Variants in ADAM2 observed in about 807,000 individuals in gnomAD.
ADAM2 encodes the protein ADAM metallopeptidase domain 2, also known as disintegrin and metalloproteinase domain-containing protein 2.
ADAM2 carries 101 observed loss-of-function variants against 99.3 expected under a neutral mutation model. That is an observed-to-expected ratio of 1.02 (90% CI 0.87 to 1.20). ADAM2 has a LOEUF of 1.20. Among genes scored for constraint, ADAM2 ranks in the 50% most tolerant of loss-of-function variants. The probability of loss-of-function intolerance (pLI) is 0.00; values close to 1 mark genes in which losing one functional copy is unlikely to be tolerated. For synonymous variants in ADAM2, 323 were observed against 287.6 expected (o/e 1.12, Z -1.25); for missense variants, 948 against 878.7 (o/e 1.08, Z -1.00).
At chr8:39,826,295 A>G (rs532188769) in intron 3 of ADAM2, among the ~76,000 whole-genome samples, 4 of 152,368 alleles carry the variant, frequency 2.6e-5, no homozygotes, top group Admixed American at 2.6e-4. Flanking sequence ...ACGCATTTAC[A>G]GTCAGTTGGT....
chr8:39,821,592 C>G lies in ADAM2; in HGVS notation c.338G>C (p.Gly113Ala). 6.3e-7 allele frequency: 1 copy of G among 1,592,438 alleles called. No individual in the cohort carries two copies. Among genetic ancestry groups the G allele is most frequent in the Non-Finnish European group, 8.6e-7 (1 of 1,161,706 alleles). ...TAAAACAGTAAATTACAACCTGAGT[C>G]CAGTACATGTGCTAACCATCACCAC... ...KSVVMVSTCT[G>A]LRGVLQFENV... The change falls in exon 5 of 21, where the codon GGA becomes GCA. Residue 113 changes from glycine to alanine, a missense_variant. Transcript: ENST00000265708.
Position 39,788,581 on chromosome 8 carries a change from C to A in ADAM2, c.642+88G>T. 4 of 854,454 alleles carry A rather than the reference C, an allele frequency of 4.7e-6. 1 individual carries two copies. In the South Asian group the frequency reaches 6.3e-5, roughly 14 times the overall value. The allele number at this position is 854,454 out of a possible 1,614,324, so 52.9% of individuals were successfully genotyped here. ...ACTTAATTTCCCTTATGCCACACAA[C>A]GTGTGGATTCATGTAGTGTCATAAT... On this transcript the variant is annotated intron_variant, in intron 8 of 20. Coordinates refer to ENST00000265708, the MANE Select transcript of ADAM2 (RefSeq NM_001464.5).
chr8:39,809,313 A>C, intron 7 of ADAM2, 97 bp downstream of exon 7: 1 of 646,082 alleles, frequency 1.5e-6, no homozygotes, highest in South Asian at 1.9e-5. Flanking sequence ...CTAAGGCAAA[A>C]TTATCAATTC....
At chr8:39,772,771 A>G (rs908197791) in intron 11 of ADAM2, among the ~76,000 whole-genome samples, 4 of 152,052 alleles carry the variant, frequency 2.6e-5, no homozygotes, top group African/African-American at 9.6e-5. Flanking sequence ...ACAACACAAA[A>G]TAAAAGAATG....
chr8:39,827,700 G>C (rs926852194), intron 3 of ADAM2, among the ~76,000 whole-genome samples: 7 of 152,134 alleles, frequency 4.6e-5, no homozygotes, highest in African/African-American at 1.7e-4. Flanking sequence ...TAGAAGCAGA[G>C]AGTAGAATGA....
At chr8:39,797,527 A>G (rs1286300223) in intron 7 of ADAM2, among the ~76,000 whole-genome samples, 1 of 151,940 alleles carries the variant, frequency 6.6e-6, no homozygotes, top group East Asian at 1.9e-4. Flanking sequence ...TCTTTGCTAT[A>G]TGGGGTCTTC....
At chr8:39,789,134 C>T (rs1010336511) in intron 7 of ADAM2, among the ~76,000 whole-genome samples, 1 of 151,216 alleles carries the variant, frequency 6.6e-6, no homozygotes, top group South Asian at 2.1e-4. Context: ...AAAGATATAC[C>T]ATACAAACAT....
rs1823640460 is a variant in ADAM2, at chr8:39,749,687, C to CAGT, written c.1852_1854dup (p.Thr618dup). ...CTTACACCTCTATCATTGCATTTGT[C>CAGT]AGTAGTACAATCATAACCCAAGTAT... On this transcript the variant is annotated inframe_insertion, in exon 17 of 21. Coordinates refer to ENST00000265708, the MANE Select transcript of ADAM2 (RefSeq NM_001464.5). 1 of 1,611,600 alleles carries CAGT rather than the reference C, an allele frequency of 6.2e-7. No individual in the cohort carries two copies. Among genetic ancestry groups the CAGT allele is most frequent in the African/African-American group, 1.3e-5 (1 of 74,734 alleles).
chr8:39,787,463 A>G (rs1803512900), intron 9 of ADAM2, among the ~76,000 whole-genome samples: 1 of 151,480 alleles, frequency 6.6e-6, no homozygotes, highest in Non-Finnish European at 1.5e-5. Flanking sequence ...GACATGAAAA[A>G]GCATGTCATA....
intron 7 of ADAM2, among the ~76,000 whole-genome samples, chr8:39,789,264 T>G (rs1803602026): frequency 6.6e-6 from 1 of 151,044 alleles, no homozygotes; most frequent in African/African-American, 2.4e-5. Flanking sequence ...AAGGGAGAAA[T>G]AGAAAATTTA....
rs1288178914 is a variant in ADAM2 at position 39,766,770 on chromosome 8, C to T, written c.1507+78G>A. The T allele has an allele frequency of 6.0e-6, 6 of 994,294 alleles. No individual in the cohort carries two copies. The Admixed American group carries it at 1.4e-4, about 23-fold the overall frequency. 61.6% of individuals were successfully genotyped at this position (994,294 alleles called of 1,614,324 possible). On this transcript the variant is annotated intron_variant, in intron 14 of 20. Transcript: ENST00000265708. The stretch of plus-strand genomic sequence containing the variant: ...ACTAAATGTGACATTTTAAAAATCA[C>T]AATCATGTATCAGCATCTATTTCTG...
chr8:39,751,238 A>T (rs1801929369), intron 16 of ADAM2, among the ~76,000 whole-genome samples: 1 of 152,210 alleles, frequency 6.6e-6, no homozygotes, highest in African/African-American at 2.4e-5. Flanking sequence ...GATACAGATT[A>T]GTGCTGCTGT....
intron 3 of ADAM2, 132 bp downstream of exon 3, chr8:39,833,812 T>C: frequency 3.1e-6 from 2 of 651,764 alleles, no homozygotes; most frequent in Admixed American, 2.8e-5. Flanking sequence ...GCTTAAATCA[T>C]ATGATAAGGG....
At chr8:39,825,079 T>C (rs1448466047) in intron 3 of ADAM2, among the ~76,000 whole-genome samples, 182 bp from the exon 4 acceptor site, 1 of 152,208 alleles carries the variant, frequency 6.6e-6, no homozygotes, top group Non-Finnish European at 1.5e-5. Context: ...ACTCACTCTA[T>C]TGTTACTCTG....
intron 15 of ADAM2, among the ~76,000 whole-genome samples, chr8:39,758,639 T>C (rs989033611): frequency 6.6e-6 from 1 of 151,806 alleles, no homozygotes; most frequent in Non-Finnish European, 1.5e-5. Context: ...TCAAATACCA[T>C]CTTCTAAGAA....
chr8:39,787,023 G>A lies in ADAM2; in HGVS notation c.842C>T (p.Thr281Ile), dbSNP rs146775573. Residue 281 changes from threonine (T) to isoleucine (I), a missense_variant, in exon 10 of 21, where the codon ACC becomes ATC. Transcript: ENST00000265708. ...YREKSNYVGA[T>I]FQGKMCDANY... ...TGCATCACACATCTTCCCTTGAAAG[G>A]TTGCACCAACATAATTTGACTTTTC... The A allele has an allele frequency of 6.3e-7, 1 of 1,588,958 alleles. No homozygotes were observed. The highest frequency in any genetic ancestry group is 8.6e-7 in the Non-Finnish European group (1 of 1,167,140).
At chr8:39,757,641 G>T (rs142911103) in intron 15 of ADAM2, among the ~76,000 whole-genome samples, 1 of 152,118 alleles carries the variant, frequency 6.6e-6, no homozygotes, top group Non-Finnish European at 1.5e-5. Flanking sequence ...GCATCTCCCA[G>T]AGGCATAACG....
intron 16 of ADAM2, among the ~76,000 whole-genome samples, chr8:39,751,970 T>G (rs1191620603): frequency 2.6e-5 from 4 of 152,178 alleles, no homozygotes; most frequent in Non-Finnish European, 5.9e-5. Context: ...GTAACTGGGA[T>G]TACAGGCTTG....
chr8:39,816,031 C>T (rs1465916215), intron 6 of ADAM2, among the ~76,000 whole-genome samples: 3 of 151,940 alleles, frequency 2.0e-5, no homozygotes, highest in Non-Finnish European at 2.9e-5. Context: ...CACGGTGGCT[C>T]ACATCTGTAA....
Sources: gnomAD v4.1 joint callset for allele counts (sites outside exome capture counted in the v4.1 genomes callset) on GRCh38, gnomAD v4.1.1 for gene constraint, MANE v1.5 for transcripts, NCBI Gene and HGNC (gene_info 2026-07-23, HGNC 2026-07-21) for gene names.